Variants in MLIP observed in about 807,000 individuals in gnomAD.
MLIP encodes the protein muscular LMNA interacting protein.
A neutral mutation model predicts 84.8 loss-of-function variants in MLIP; 79 were observed. The ratio of observed to expected loss-of-function variants is 0.93; its 90% CI spans 0.78 to 1.12. MLIP has a LOEUF of 1.12. Ranked by LOEUF, MLIP falls within the 50% of genes most tolerant of loss-of-function variation. The probability of loss-of-function intolerance (pLI) is 0.00; values close to 1 mark genes in which losing one functional copy is unlikely to be tolerated. For synonymous variants in MLIP, 504 were observed against 463.0 expected (o/e 1.09, Z -1.14); for missense variants, 1,257 against 1,160.6 (o/e 1.08, Z -1.21).
At chr6:54,227,047 G>A (rs1780623896) in intron 11 of MLIP, among the ~76,000 whole-genome samples, 1 of 152,140 alleles carries the variant, frequency 6.6e-6, no homozygotes, top group Non-Finnish European at 1.5e-5. Flanking sequence ...GATCATGGGG[G>A]CAGATTTCCC....
chr6:54,090,628 T>C (rs760259370), intron 1 of MLIP, among the ~76,000 whole-genome samples: 9 of 151,860 alleles, frequency 5.9e-5, no homozygotes, highest in Non-Finnish European at 1.2e-4. Context: ...CGGCATTCTA[T>C]CTATGTTAAG....
intron 9 of MLIP, among the ~76,000 whole-genome samples, chr6:54,171,375 A>G (rs1775753724): frequency 6.6e-6 from 1 of 151,586 alleles, no homozygotes; most frequent in South Asian, 2.1e-4. Flanking sequence ...TTCGTTTCCT[A>G]TGTAAGAAGC....
At position 54,124,701 on chromosome 6, in the gene MLIP, C is replaced by T. The variant is rs763794642; in HGVS notation, c.481C>T (p.Pro161Ser). The change falls in exon 3 of 14, where the codon CCC (proline) becomes TCC (serine). Residue 161 changes from proline (P) to serine (S), a missense_variant. Physicochemically the swap from Pro to Ser is moderately conservative, Grantham distance 74 (BLOSUM62 -1). Transcript: ENST00000502396. ...TGCAAGCAGAAAAGTTGAACAAGGC[C>T]CCCCAGGGGGGATTGGCACCGCAGC... ...EAASRKVEQG[P>S]PGGIGTAAVR... The T allele has an allele frequency of 6.3e-5, 101 of 1,613,990 alleles. No homozygotes were observed. Among genetic ancestry groups the T allele is most frequent in the Non-Finnish European group, 8.5e-5 (100 of 1,180,010 alleles).
chr6:54,254,515 C>G (rs996900674), intron 12 of MLIP, among the ~76,000 whole-genome samples: 1 of 152,056 alleles, frequency 6.6e-6, no homozygotes, highest in African/African-American at 2.4e-5. Flanking sequence ...TTTGACATCT[C>G]TAGTCCTCAT....
At chr6:54,210,382 TAACAAGTTCTTACACCA>T (rs1450800022) in intron 11 of MLIP, among the ~76,000 whole-genome samples, 2 of 152,286 alleles carry the variant, frequency 1.3e-5, no homozygotes, top group Non-Finnish European at 2.9e-5. Flanking sequence ...ACTCATTAGG[TAACAAGTTCTTACACCA>T]AACTTCCTTG....
intron 11 of MLIP, chr6:54,217,609 T>C: frequency 1.0e-6 from 1 of 983,852 alleles, no homozygotes; most frequent in Non-Finnish European, 1.2e-6. Context: ...TAGTATCATC[T>C]CAAAAATAAT....
chr6:54,106,240 A>G lies in MLIP; in HGVS notation c.64-15207A>G, dbSNP rs180693824. 3.8e-3 allele frequency among the ~76,000 whole-genome samples: 579 copies of G among 152,212 alleles called. 4 individuals carry two copies. Among genetic ancestry groups the G allele is most frequent in the Non-Finnish European group, 6.1e-3 (415 of 68,014 alleles). On this transcript the variant is annotated intron_variant, in intron 1 of 12. Coordinates refer to the MLIP transcript ENST00000274897. ...GTGAGGGGGCCAGGATTTTATATGG[A>G]TGCATCAACTAGCCATCCGATGTCC... is the stretch of plus-strand genomic sequence containing the variant.
intron 5 of MLIP, among the ~76,000 whole-genome samples, chr6:54,152,666 C>A (rs1338453237): frequency 6.6e-6 from 1 of 152,088 alleles, no homozygotes; most frequent in East Asian, 1.9e-4. Context: ...GGGGTCACAG[C>A]CAAACCATAT....
At chr6:54,092,473 A>G (rs1157409795) in intron 1 of MLIP, among the ~76,000 whole-genome samples, 2 of 152,140 alleles carry the variant, frequency 1.3e-5, no homozygotes, top group Non-Finnish European at 2.9e-5. Context: ...TTATTCATAG[A>G]TAGGCAAGTA....
chr6:54,152,952 A>C (rs1221802838), intron 5 of MLIP, among the ~76,000 whole-genome samples: 1 of 152,048 alleles, frequency 6.6e-6, no homozygotes, highest in Non-Finnish European at 1.5e-5. Flanking sequence ...GAAAATATAA[A>C]TTTTTTCCTT....
At chr6:54,110,185 A>G (rs891566127), upstream of MLIP, among the ~76,000 whole-genome samples, 12 of 151,706 alleles carry the variant, frequency 7.9e-5, no homozygotes, top group Non-Finnish European at 1.6e-4. Flanking sequence ...GGGTTTCACC[A>G]TATAAGCCAG....
intron 9 of MLIP, among the ~76,000 whole-genome samples, chr6:54,172,707 GAA>G (rs1212775109): frequency 7.2e-6 from 1 of 138,312 alleles, no homozygotes; most frequent in Admixed American, 7.3e-5. Context: ...GACTTCTCTG[GAA>G]AAAAAAAAAG....
chr6:54,200,712 T>C (rs1778620410), intron 10 of MLIP, among the ~76,000 whole-genome samples: 1 of 151,410 alleles, frequency 6.6e-6, no homozygotes, highest in Non-Finnish European at 1.5e-5. Flanking sequence ...ATGTTACTTA[T>C]TCATTTTTCC....
At chr6:54,159,928 A>T (rs1255054437) in intron 5 of MLIP, among the ~76,000 whole-genome samples, 1 of 152,094 alleles carries the variant, frequency 6.6e-6, no homozygotes, top group African/African-American at 2.4e-5. Flanking sequence ...TTCAAACTAT[A>T]CTACAAGGCC....
intron 1 of MLIP, among the ~76,000 whole-genome samples, chr6:54,085,352 G>T (rs1157042396): frequency 6.6e-6 from 1 of 152,162 alleles, no homozygotes; most frequent in African/African-American, 2.4e-5. Flanking sequence ...CTTGGGGGAG[G>T]TTAGTGAACC....
intron 12 of MLIP, among the ~76,000 whole-genome samples, chr6:54,253,016 C>T (rs1053124837): frequency 1.3e-5 from 2 of 152,162 alleles, no homozygotes; most frequent in East Asian, 1.9e-4. Context: ...CTGTAGCCAT[C>T]GAATTCTTCC....
chr6:54,055,181 C>T (rs1230309268), intron 1 of MLIP, among the ~76,000 whole-genome samples: 1 of 152,288 alleles, frequency 6.6e-6, no homozygotes, highest in Middle Eastern at 3.4e-3. Context: ...CCACCGCACC[C>T]GGCCTCATCA....
At chr6:54,170,064 C>T (rs938712840) in intron 9 of MLIP, among the ~76,000 whole-genome samples, 1 of 151,652 alleles carries the variant, frequency 6.6e-6, no homozygotes, top group Non-Finnish European at 1.5e-5. Flanking sequence ...GATATAGACT[C>T]ACATTCAATT....
At chr6:54,211,083 A>G (rs547551318) in intron 11 of MLIP, among the ~76,000 whole-genome samples, 2 of 152,254 alleles carry the variant, frequency 1.3e-5, no homozygotes, top group South Asian at 4.1e-4. Context: ...TACTAAAAAT[A>G]CAAAAAATTA....
Sources: gnomAD v4.1 joint callset for allele counts (sites outside exome capture counted in the v4.1 genomes callset) on GRCh38, gnomAD v4.1.1 for gene constraint, MANE v1.5 for transcripts, NCBI Gene and HGNC (gene_info 2026-07-23, HGNC 2026-07-21) for gene names.